The following ERCC2 variants were observed in gnomAD, a reference collection of about 807,000 sequenced individuals.
ERCC2 encodes general transcription and DNA repair factor IIH helicase subunit XPD.
In ERCC2, 90 loss-of-function variants were observed where a neutral mutation model predicts 99.4. The ratio of observed to expected loss-of-function variants is 0.91; its 90% CI spans 0.76 to 1.08. The LOEUF (loss-of-function observed/expected upper bound fraction) is 1.08. Among genes scored for constraint, ERCC2 ranks in the 50% least tolerant of loss-of-function variants. The probability of loss-of-function intolerance (pLI) is 0.00; values close to 1 mark genes in which losing one functional copy is unlikely to be tolerated. For missense variants in ERCC2, 993 were observed against 1,038.1 expected, an observed-to-expected ratio of 0.96 and a Z score of 0.60; for synonymous variants, 497 against 432.4, an observed-to-expected ratio of 1.15 and a Z score of -1.85.
In ERCC2 at chr19:45,351,250, A is replaced by ACCTCC. The variant is rs747867172; in HGVS notation, c.*374_*378dup. 2.9e-6 allele frequency: 2 copies of ACCTCC among 694,286 alleles called. No homozygotes were observed. Among genetic ancestry groups the ACCTCC allele is most frequent in the Admixed American group, 2.7e-5 (1 of 36,958 alleles). The allele number at this position is 694,286 out of a possible 1,614,324, so 43.0% of individuals were successfully genotyped here. A position where few individuals can be genotyped will look rare whatever the true frequency, so the allele number is the denominator to read the frequency against. On this transcript the variant is annotated 3_prime_UTR_variant, in exon 23 of 23. Transcript: ENST00000391945. Reference sequence around the variant, plus strand: ...AGGGTGGATGTAACACTTGCCCCTCACCTCCCCTCCAACCATCCCCTGTGC... The same window carrying ACCTCC: ...AGGGTGGATGTAACACTTGCCCCTCACCTCCCCTCCCCTCCAACCATCCCCTGTGC...
At chr19:45,368,895 G>A in intron 4 of ERCC2, 35 bp downstream of exon 4, 1 of 1,610,380 alleles carries the variant, frequency 6.2e-7, no homozygotes, top group South Asian at 1.1e-5. Flanking sequence ...CTAGGGAACA[G>A]TGGGGCTGGA....
chr19:45,357,591 C>A (rs747886547), intron 13 of ERCC2, 39 bp downstream of exon 13: 205 of 1,613,184 alleles, frequency 1.3e-4, no homozygotes, highest in Non-Finnish European at 1.6e-4. Context: ...GGGCCCCCGA[C>A]CCACAGAGCA....
At position 45,351,148 on chromosome 19, in the gene ERCC2, A is replaced by C. The variant is rs1971746695; in HGVS notation, c.*481T>G. 1.9e-5 allele frequency: 30 copies of C among 1,594,814 alleles called. No homozygotes were observed. The highest frequency in any genetic ancestry group is 2.5e-5 in the Non-Finnish European group (29 of 1,169,696). Reference sequence around the variant, plus strand: ...GTTGGTGTCAGAAGAGACCCAGGACAGGAGCAAAGATGGGTTTTACTTGGG... The same window carrying C: ...GTTGGTGTCAGAAGAGACCCAGGACCGGAGCAAAGATGGGTTTTACTTGGG... On this transcript the variant is annotated 3_prime_UTR_variant, in exon 23 of 23. Coordinates refer to ENST00000391945, the MANE Select transcript of ERCC2 (RefSeq NM_000400.4).
rs1971748502 is a variant in ERCC2, at chr19:45,351,169, T to C, written c.*460A>G. 6.9e-6 allele frequency: 11 copies of C among 1,587,786 alleles called. No individual in the cohort carries two copies. In the South Asian group the frequency reaches 1.3e-4, roughly 18 times the overall value. On this transcript the variant is annotated 3_prime_UTR_variant, in exon 23 of 23. Transcript: ENST00000391945. ...GGACAGGAGCAAAGATGGGTTTTAC[T>C]TGGGGTAGAGGCGAGGGGGTTGGAT...
chr19:45,351,275 C>CCTGT lies in ERCC2; in HGVS notation c.*350_*353dup. 6.2e-7 allele frequency: 1 copy of CCTGT among 1,611,994 alleles called. No individual in the cohort carries two copies. Among genetic ancestry groups the CCTGT allele is most frequent in the Middle Eastern group, 1.6e-4 (1 of 6,062 alleles). Reference sequence around the variant, plus strand: ...ACCTCCCCTCCAACCATCCCCTGTGCCTGTCTCCAGTTTCCCAGCTGGCAC... The same window carrying CCTGT: ...ACCTCCCCTCCAACCATCCCCTGTGCCTGTCTGTCTCCAGTTTCCCAGCTGGCAC... On this transcript the variant is annotated 3_prime_UTR_variant, in exon 23 of 23. Transcript: ENST00000391945.
At chr19:45,352,175 T>TGGGAGGGTGCC (rs746647399) in intron 22 of ERCC2, 34 bp downstream of exon 22, 5 of 1,611,096 alleles carry the variant, frequency 3.1e-6, no homozygotes, top group South Asian at 1.1e-5. Context: ...AAGCTCAGCC[T>TGGGAGGGTGCC]GGGAGGGTGC....
chr19:45,370,521 C>T lies in ERCC2; in HGVS notation c.5+15G>A. 5.0e-6 allele frequency: 8 copies of T among 1,588,960 alleles called. No homozygotes were observed. The highest frequency in any genetic ancestry group is 5.1e-6 in the Non-Finnish European group (6 of 1,172,860). ...CGCGCCCGCTAGCGAGCGCGACCCC[C>T]AGCCCCCTTCTCACTTCATGGCGCC... On this transcript the variant is annotated intron_variant, in intron 1 of 22. Coordinates refer to ENST00000391945, the MANE Select transcript of ERCC2 (RefSeq NM_000400.4).
intron 17 of ERCC2, among the ~76,000 whole-genome samples, chr19:45,354,057 T>C (rs1412353549): frequency 6.6e-6 from 1 of 152,176 alleles, no homozygotes; most frequent in African/African-American, 2.4e-5. Context: ...GCTGTGAGGA[T>C]GACGTTCCCG....
chr19:45,369,958 G>C (rs920166222), intron 2 of ERCC2, among the ~76,000 whole-genome samples, 175 bp downstream of exon 2: 1 of 152,192 alleles, frequency 6.6e-6, no homozygotes, highest in Non-Finnish European at 1.5e-5. Context: ...TTACAGGCGC[G>C]AGCCACCGCG....
At chr19:45,353,013 C>G (rs1971873109) in intron 19 of ERCC2, 70 bp downstream of exon 19, 1 of 1,515,936 alleles carries the variant, frequency 6.6e-7, no homozygotes, top group African/African-American at 1.4e-5. Context: ...CGGGAGCAGA[C>G]AGCAGAGCGG....
chr19:45,356,880 C>T (rs911548432), intron 15 of ERCC2, among the ~76,000 whole-genome samples: 2 of 152,166 alleles, frequency 1.3e-5, no homozygotes, highest in Non-Finnish European at 1.5e-5. Flanking sequence ...TTGACATGCA[C>T]GTGTTACAGA....
chr19:45,351,354 C>A lies in ERCC2; in HGVS notation c.*275G>T, dbSNP rs565599377. On this transcript the variant is annotated 3_prime_UTR_variant, in exon 23 of 23. Coordinates refer to ENST00000391945, the MANE Select transcript of ERCC2 (RefSeq NM_000400.4). The stretch of plus-strand genomic sequence containing the variant: ...CCAGCACCCAGGACCTGAGCCCCCA[C>A]TAACGTCCAGTGAACTGCGCTGGCC... The A allele has an allele frequency of 1.1e-3, 1,704 of 1,610,968 alleles. 35 individuals are homozygous for A. In the South Asian group the frequency reaches 0.018, roughly 17 times the overall value.
chr19:45,351,623 C>T lies in ERCC2; in HGVS notation c.*6G>A. 3 of 1,613,838 alleles carry T rather than the reference C, an allele frequency of 1.9e-6. No individual in the cohort carries two copies. The highest frequency in any genetic ancestry group is 2.5e-6 in the Non-Finnish European group (3 of 1,179,886). On this transcript the variant is annotated 3_prime_UTR_variant, in exon 23 of 23. Coordinates refer to ENST00000391945, the MANE Select transcript of ERCC2 (RefSeq NM_000400.4). ...CAGGAACCGTTTATGGCCCCACCCG[C>T]CCCACTCAGAGCTGCTGAGCAATCT...
chr19:45,354,719 G>C lies in ERCC2; in HGVS notation c.1665+11C>G. On this transcript the variant is annotated intron_variant, in intron 17 of 22. Coordinates refer to ENST00000391945, the MANE Select transcript of ERCC2 (RefSeq NM_000400.4). Reference sequence around the variant, plus strand: ...GGAGAGCAGGTGCAGGGAGGGGGTGGCCAGGCGTACCTGCTCATACCAGGA... The same window carrying C: ...GGAGAGCAGGTGCAGGGAGGGGGTGCCCAGGCGTACCTGCTCATACCAGGA... 6.2e-7 allele frequency: 1 copy of C among 1,613,434 alleles called. No individual in the cohort carries two copies. Among genetic ancestry groups the C allele is most frequent in the Non-Finnish European group, 8.5e-7 (1 of 1,179,702 alleles).
At chr19:45,354,482 T>C (rs1190760793) in intron 17 of ERCC2, among the ~76,000 whole-genome samples, 1 of 152,186 alleles carries the variant, frequency 6.6e-6, no homozygotes, top group Admixed American at 6.5e-5. Flanking sequence ...TGGGGGTGAC[T>C]CTGCCACAGG....
At chr19:45,358,325 C>T (rs575556424) in intron 12 of ERCC2, 64 of 194,344 alleles carry the variant, frequency 3.3e-4, no homozygotes, top group Non-Finnish European at 4.2e-4. Context: ...TGGCCTCCCA[C>T]GACCTTTCTA....
At position 45,357,256 on chromosome 19, in the gene ERCC2, C is replaced by T; in HGVS notation, c.1479+14G>A. On this transcript the variant is annotated intron_variant, in intron 15 of 22. Transcript: ENST00000391945. ...TCTCCCCTCCCGGCCCCAGCCCTAG[C>T]CTCTCCCACTCACCATAGGGCAGAG... The T allele has an allele frequency of 1.2e-6, 2 of 1,601,864 alleles. No homozygotes were observed.
chr19:45,364,756 G>C, intron 7 of ERCC2, 82 bp downstream of exon 7: 1 of 1,296,430 alleles, frequency 7.7e-7, no homozygotes, highest in South Asian at 1.2e-5. Context: ...GCAAGCAACA[G>C]ACAGACATGG....
chr19:45,365,071 T>C lies in ERCC2; in HGVS notation c.448A>G (p.Thr150Ala). ...TAGAATCGGCAGTGGGGCAGGCTGG[T>C]GTCATGCTGGTACTGCGCCCGCACA... is the stretch of plus-strand genomic sequence containing the variant. ...SYVRAQYQHDTSLPHCRFYEE... is the reference protein window; with the variant it reads ...SYVRAQYQHDASLPHCRFYEE... Residue 150 changes from threonine to alanine, a missense_variant, in exon 6 of 23, where the codon ACC (threonine) becomes GCC (alanine). Transcript: ENST00000391945. The C allele has an allele frequency of 1.2e-6, 2 of 1,614,026 alleles. No individual in the cohort carries two copies. Among genetic ancestry groups the C allele is most frequent in the Non-Finnish European group, 1.7e-6 (2 of 1,179,962 alleles).
Sources: allele counts gnomAD v4.1 joint callset (sites outside exome capture counted in the v4.1 genomes callset), GRCh38; gene constraint gnomAD v4.1.1; transcripts MANE v1.5; gene names NCBI Gene and HGNC (gene_info 2026-07-23, HGNC 2026-07-21).